Variants in SCAF4 observed in about 807,000 individuals in gnomAD.
SCAF4 encodes the protein SR-related and CTD-associated factor 4.
A neutral mutation model predicts 129.8 loss-of-function variants in SCAF4; 25 were observed. The ratio of observed to expected loss-of-function variants is 0.19; its 90% CI spans 0.14 to 0.27. The LOEUF is 0.27. Among genes scored for constraint, SCAF4 ranks in the 10% least tolerant of loss-of-function variants. The probability of loss-of-function intolerance (pLI) is 1.00; values close to 1 mark genes in which losing one functional copy is unlikely to be tolerated. For missense variants in SCAF4, 1,246 were observed against 1,457.1 expected, an observed-to-expected ratio of 0.86 and a Z score of 2.36; for synonymous variants, 551 against 497.7, an observed-to-expected ratio of 1.11 and a Z score of -1.43.
Position 31,703,747 on chromosome 21 carries a change from T to C in SCAF4, c.321+18A>G. 1 of 1,324,506 alleles carries C rather than the reference T, an allele frequency of 7.5e-7. No individual in the cohort carries two copies. The allele number at this position is 1,324,506 out of a possible 1,614,324, so 82.0% of individuals were successfully genotyped here. A position where few individuals can be genotyped will look rare whatever the true frequency, so the allele number is the denominator to read the frequency against. ...ATTTTTTAAAGAATACAAGTTTTAG[T>C]TTAAAAATTAATTATACCTTATCTT... On this transcript the variant is annotated intron_variant, in intron 4 of 19. Coordinates refer to ENST00000286835, the MANE Select transcript of SCAF4 (RefSeq NM_020706.2).
chr21:31,724,484 G>C (rs1365037920), intron 1 of SCAF4, among the ~76,000 whole-genome samples: 1 of 152,164 alleles, frequency 6.6e-6, no homozygotes, highest in African/African-American at 2.4e-5. Context: ...TTGCTCTGAA[G>C]TGTGCTAAAA....
At chr21:31,731,631 C>T (rs2051362349) in intron 1 of SCAF4, 32 bp downstream of exon 1, 1 of 1,586,556 alleles carries the variant, frequency 6.3e-7, no homozygotes, top group Non-Finnish European at 8.5e-7. Context: ...CCGCAGCAGG[C>T]CCGGCACCCC....
intron 19 of SCAF4, among the ~76,000 whole-genome samples, chr21:31,679,506 T>C (rs1046487383): frequency 6.6e-6 from 1 of 152,198 alleles, no homozygotes; most frequent in Admixed American, 6.5e-5. Context: ...AGGCACTATG[T>C]TCTGAGAGCT....
intron 19 of SCAF4, among the ~76,000 whole-genome samples, chr21:31,679,703 G>A (rs2049951384): frequency 6.6e-6 from 1 of 151,944 alleles, no homozygotes; most frequent in African/African-American, 2.4e-5. Context: ...ATCTATTTTT[G>A]GCATAAGGGT....
At chr21:31,682,205 CCTGT>C (rs1054965941) in intron 19 of SCAF4, among the ~76,000 whole-genome samples, 2 of 151,940 alleles carry the variant, frequency 1.3e-5, no homozygotes, top group African/African-American at 4.8e-5. Flanking sequence ...ATGGTGAAAC[CCTGT>C]CTCTACTAAA....
intron 1 of SCAF4, among the ~76,000 whole-genome samples, chr21:31,718,874 C>A (rs1408427010): frequency 6.6e-6 from 1 of 152,062 alleles, no homozygotes; most frequent in African/African-American, 2.4e-5. Context: ...CTTCTAGTTC[C>A]GGAATTTAAA....
At chr21:31,697,960 A>C (rs1403924184) in intron 7 of SCAF4, among the ~76,000 whole-genome samples, 1 of 152,226 alleles carries the variant, frequency 6.6e-6, no homozygotes, top group Non-Finnish European at 1.5e-5. Flanking sequence ...GGCAACAATA[A>C]AATATTTTTA....
chr21:31,706,473 A>AG (rs149295526), intron 1 of SCAF4, 116 bp from the exon 2 acceptor site: 17 of 688,162 alleles, frequency 2.5e-5, no homozygotes, highest in East Asian at 5.5e-5. Flanking sequence ...CGGGGTGGTG[A>AG]GGGGGGTCTT....
At chr21:31,698,868 C>CAACT (rs1277768711) in intron 7 of SCAF4, among the ~76,000 whole-genome samples, 1 of 152,206 alleles carries the variant, frequency 6.6e-6, no homozygotes, top group East Asian at 1.9e-4. Flanking sequence ...CTAGTCCCTA[C>CAACT]AACTGCGTGA....
rs181511666 is a variant in SCAF4 at position 31,682,103 on chromosome 21, T to C, written c.2488+2946A>G. ...TGATCTAATCTATCTCGAAAATATCTGAGGCAACTATGTCAAGATAAATTT... is the reference window on the plus strand; with the variant it reads ...TGATCTAATCTATCTCGAAAATATCCGAGGCAACTATGTCAAGATAAATTT... On this transcript the variant is annotated intron_variant, in intron 19 of 19. Transcript: ENST00000286835. 1.4e-4 allele frequency among the ~76,000 whole-genome samples: 22 copies of C among 152,312 alleles called. No homozygotes were observed. In the East Asian group the frequency reaches 2.3e-3, roughly 16 times the overall value.
rs868454222 is a variant in SCAF4, at chr21:31,693,396, G to A, written c.1411C>T (p.Arg471Ter). 6.3e-7 allele frequency: 1 copy of A among 1,580,574 alleles called. No individual in the cohort carries two copies. The highest frequency in any genetic ancestry group is 1.1e-5 in the South Asian group (1 of 87,888). Reference sequence around the variant, plus strand: ...TGAGATCGAGATCGGGGAGAATGTCGGCGTCTATCCCTGGACCGAGATCGA... The same window carrying A: ...TGAGATCGAGATCGGGGAGAATGTCAGCGTCTATCCCTGGACCGAGATCGA... ...RSRSRSRDRR[R>*]HSPRSRSQER... The change falls in exon 12 of 20, where the codon CGA becomes TGA. Residue 471 changes from arginine (R) to a stop codon, truncating the protein, a stop_gained. Coordinates refer to ENST00000286835, the MANE Select transcript of SCAF4 (RefSeq NM_020706.2). LOFTEE classifies it high-confidence loss of function.
Position 31,672,370 on chromosome 21 carries a change from A to C in SCAF4, c.2489-16T>G. The C allele has an allele frequency of 6.3e-7, 1 of 1,591,652 alleles. No individual in the cohort carries two copies. Among genetic ancestry groups the C allele is most frequent in the Non-Finnish European group, 8.6e-7 (1 of 1,160,922 alleles). ...CCTTGAGTGCCTAAAAGACGACAAA[A>C]ATAAAAATGTAAACACCACCGAAGA... On this transcript the variant is annotated splice_polypyrimidine_tract_variant and intron_variant, in intron 19 of 19. Coordinates refer to ENST00000286835, the MANE Select transcript of SCAF4 (RefSeq NM_020706.2).
intron 1 of SCAF4, among the ~76,000 whole-genome samples, chr21:31,724,385 T>C (rs2051149885): frequency 6.6e-6 from 1 of 152,072 alleles, no homozygotes; most frequent in Admixed American, 6.5e-5. Context: ...GTTACCAAAA[T>C]TTTGAACTGT....
intron 7 of SCAF4, among the ~76,000 whole-genome samples, chr21:31,699,808 A>G (rs2050478331): frequency 6.6e-6 from 1 of 152,216 alleles, no homozygotes; most frequent in South Asian, 2.1e-4. Flanking sequence ...AAACCAAATA[A>G]AACAGACAAG....
chr21:31,691,792 T>A (rs998004959), intron 14 of SCAF4, 25 bp downstream of exon 14: 14 of 1,284,100 alleles, frequency 1.1e-5, no homozygotes, highest in South Asian at 3.2e-5. Context: ...AAAAAAAAAA[T>A]TAATTATAAC....
Position 31,672,263 on chromosome 21 carries a change from C to T in SCAF4, c.2580G>A (p.Gln860=). The stretch of plus-strand genomic sequence containing the variant: ...GAGGTGGGGGCATTCCTGGAGGGCG[C>T]TGGAGTGGGATGAGACCGGGCCGGG... The part of the protein sequence containing the change: ...LGARPGLIPL[Q]RPPGMPPPHL... Residue 860 remains glutamine, a synonymous_variant, in exon 20 of 20, where the codon CAG becomes CAA. Transcript: ENST00000286835. The T allele has an allele frequency of 1.2e-6, 2 of 1,613,726 alleles. No homozygotes were observed. Among genetic ancestry groups the T allele is most frequent in the Non-Finnish European group, 8.5e-7 (1 of 1,179,874 alleles).
At position 31,692,407 on chromosome 21, in the gene SCAF4, G is replaced by T; in HGVS notation, c.1556C>A (p.Thr519Asn). 6.2e-7 allele frequency: 1 copy of T among 1,614,026 alleles called. No homozygotes were observed. Among genetic ancestry groups the T allele is most frequent in the Non-Finnish European group, 8.5e-7 (1 of 1,179,940 alleles). The change falls in exon 13 of 20, where the codon ACT (threonine) becomes AAT (asparagine). Residue 519 changes from threonine to asparagine, a missense_variant. Thr to Asn is a moderately conservative substitution (Grantham distance 65). Around this residue, in one of 6 missense-constraint regions of SCAF4, gnomAD observed 468 missense variants for 605.5 expected, o/e 0.77. Transcript: ENST00000286835. ...GAGACTGGCAACATCCTGCTGAGTA[G>T]TTCTTTTGTCCAGCTGCCCCACCCA... ...TLWVGQLDKR[T>N]TQQDVASLLE...
intron 11 of SCAF4, among the ~76,000 whole-genome samples, 197 bp from the exon 12 acceptor site, chr21:31,693,681 C>T (rs149926529): frequency 4.7e-4 from 72 of 152,274 alleles, no homozygotes; most frequent in African/African-American, 1.6e-3. Context: ...ATAAAATACA[C>T]AATGTTGACA....
intron 1 of SCAF4, among the ~76,000 whole-genome samples, chr21:31,731,345 G>A (rs1321088875): frequency 6.6e-6 from 1 of 152,238 alleles, no homozygotes; most frequent in African/African-American, 2.4e-5. Context: ...AGAGAGCGAG[G>A]GCGCCCAGAC....
Sources: gnomAD v4.1 joint callset for allele counts (sites outside exome capture counted in the v4.1 genomes callset) on GRCh38, gnomAD v4.1.1 for gene constraint, gnomAD v4.1.1 regional missense constraint, MANE v1.5 for transcripts, NCBI Gene and HGNC (gene_info 2026-07-23, HGNC 2026-07-21) for gene names.